RGS7: variants seen among roughly 807,000 people sequenced by gnomAD.
RGS7 encodes regulator of G-protein signaling 7.
A neutral mutation model predicts 81.1 loss-of-function variants in RGS7; 27 were observed. That is an observed-to-expected ratio of 0.33 (90% confidence interval 0.25 to 0.46). The LOEUF (loss-of-function observed/expected upper bound fraction) is 0.46, where lower values mean the gene tolerates loss of function less well. RGS7 is among the 20% of genes least tolerant of loss of function. RGS7 has a pLI of 1.00. For synonymous variants in RGS7, 208 were observed against 207.7 expected, an observed-to-expected ratio of 1.00 and a Z score of -0.01; for missense variants, 396 against 607.4, an observed-to-expected ratio of 0.65 and a Z score of 3.66.
chr1:241,202,883 G>C (rs2073627045), intron 2 of RGS7, among the ~76,000 whole-genome samples: 1 of 152,044 alleles, frequency 6.6e-6, no homozygotes, highest in Non-Finnish European at 1.5e-5. Context: ...CCTAACCTTG[G>C]GGGAGAGTAA....
intron 6 of RGS7, among the ~76,000 whole-genome samples, chr1:240,913,817 T>C (rs1486693253): frequency 6.6e-6 from 1 of 152,124 alleles, no homozygotes; most frequent in Non-Finnish European, 1.5e-5. Context: ...CAAACTGTTA[T>C]CTGTTAAATT....
chr1:241,115,342 T>C (rs920297180), intron 2 of RGS7, among the ~76,000 whole-genome samples: 56 of 152,306 alleles, frequency 3.7e-4, no homozygotes, highest in African/African-American at 1.3e-3. Flanking sequence ...TTATGCAAGT[T>C]CTAAAAGACC....
chr1:240,942,740 A>C (rs1409182629), intron 4 of RGS7, among the ~76,000 whole-genome samples: 1 of 152,234 alleles, frequency 6.6e-6, no homozygotes, highest in African/African-American at 2.4e-5. Flanking sequence ...CATAAAAAGA[A>C]GATATGTTAG....
intron 2 of RGS7, among the ~76,000 whole-genome samples, chr1:241,123,395 A>C (rs1251006154): frequency 6.6e-6 from 1 of 152,192 alleles, no homozygotes; most frequent in African/African-American, 2.4e-5. Flanking sequence ...TCTAATTATG[A>C]CCCACATCCT....
At chr1:240,922,188 T>C (rs1673670904) in intron 6 of RGS7, among the ~76,000 whole-genome samples, 2 of 152,056 alleles carry the variant, frequency 1.3e-5, no homozygotes, top group South Asian at 2.1e-4. Flanking sequence ...AAAATAAATA[T>C]AGACTCCAGA....
At chr1:241,281,892 T>C (rs116017629) in intron 2 of RGS7, among the ~76,000 whole-genome samples, 1,760 of 152,344 alleles carry the variant, frequency 0.012, 21 homozygotes, top group Non-Finnish European at 0.018. Context: ...GAACATGGCA[T>C]GTCTCTCCAT....
chr1:241,215,484 G>T (rs1393590300), intron 2 of RGS7, among the ~76,000 whole-genome samples: 1 of 152,158 alleles, frequency 6.6e-6, no homozygotes, highest in Non-Finnish European at 1.5e-5. Context: ...AGCAGGTCAG[G>T]AGTCAACCAA....
At chr1:241,132,751 T>TTG (rs1252083485) in intron 2 of RGS7, among the ~76,000 whole-genome samples, 1 of 151,692 alleles carries the variant, frequency 6.6e-6, no homozygotes, top group African/African-American at 2.4e-5. Flanking sequence ...ATTTGTTTGT[T>TTG]TGTTTGTTTG....
chr1:241,131,522 T>C (rs955630138), intron 2 of RGS7, among the ~76,000 whole-genome samples: 1 of 152,156 alleles, frequency 6.6e-6, no homozygotes, highest in African/African-American at 2.4e-5. Flanking sequence ...TGAGAACTAC[T>C]GTTTGTAGAA....
chr1:241,100,717 G>T (rs1268253913), intron 2 of RGS7, among the ~76,000 whole-genome samples: 1 of 152,182 alleles, frequency 6.6e-6, no homozygotes, highest in Non-Finnish European at 1.5e-5. Context: ...GCCTAGGGTG[G>T]GGTAAAGTAT....
chr1:240,792,377 A>C (rs1308164667), intron 18 of RGS7, among the ~76,000 whole-genome samples: 1 of 152,148 alleles, frequency 6.6e-6, no homozygotes, highest in African/African-American at 2.4e-5. Flanking sequence ...CTATCTCTAG[A>C]TTCTCCTAGC....
At chr1:241,354,933 T>G (rs748731554) in intron 2 of RGS7, among the ~76,000 whole-genome samples, 1 of 152,168 alleles carries the variant, frequency 6.6e-6, no homozygotes, top group African/African-American at 2.4e-5. Flanking sequence ...ATAACCAGAG[T>G]GAAGCTGCCT....
chr1:241,073,623 T>C (rs2500235), intron 3 of RGS7, among the ~76,000 whole-genome samples: 4,032 of 152,300 alleles, frequency 0.026, 179 homozygotes, highest in African/African-American at 0.092. Context: ...ATCGGGTGAA[T>C]CTGCAAAATT....
rs143056370 is a variant in RGS7 at position 240,919,954 on chromosome 1, T to C, written c.385+10763A>G. On this transcript the variant is annotated intron_variant, in intron 6 of 18. Transcript: ENST00000440928. ...GATTCTCAAAGACCAGGTGCCCACT[T>C]AACTGTGAAAAACATATTTGTTGGT... The C allele has an allele frequency of 6.1e-4, 808 of 1,333,026 alleles. 7 individuals carry two copies. In the African/African-American group the frequency reaches 0.011, roughly 17 times the overall value. 82.6% of individuals were successfully genotyped at this position (1,333,026 alleles called of 1,614,324 possible).
chr1:241,205,465 CTT>C (rs760185398), intron 2 of RGS7, among the ~76,000 whole-genome samples: 3 of 144,070 alleles, frequency 2.1e-5, no homozygotes, highest in Non-Finnish European at 1.5e-5. Flanking sequence ...GTAGGATATA[CTT>C]TTTTTTTTTT....
At position 240,815,338 on chromosome 1, in the gene RGS7, T is replaced by C. The variant is rs147280762; in HGVS notation, c.784-561A>G. On this transcript the variant is annotated intron_variant, in intron 11 of 18. Transcript: ENST00000440928. ...GCCTGGGTGACAGAACAAGATTCTG[T>C]CTCAAAAAAATAAAAAATAAAATTG... 4.6e-3 allele frequency among the ~76,000 whole-genome samples: 707 copies of C among 152,172 alleles called. 5 individuals carry two copies. The highest frequency in any genetic ancestry group is 0.016 in the African/African-American group (667 of 41,508).
intron 9 of RGS7, among the ~76,000 whole-genome samples, chr1:240,851,567 A>G (rs1660106085): frequency 6.6e-6 from 1 of 152,220 alleles, no homozygotes; most frequent in Non-Finnish European, 1.5e-5. Flanking sequence ...TAAGAAATGC[A>G]TTTGTAAGGC....
chr1:241,004,856 G>C (rs1364373664), intron 3 of RGS7, among the ~76,000 whole-genome samples: 1 of 152,180 alleles, frequency 6.6e-6, no homozygotes, highest in African/African-American at 2.4e-5. Context: ...GCTTTGAGGA[G>C]AAGGGGTTCT....
At chr1:240,909,910 T>C (rs548567240) in intron 6 of RGS7, among the ~76,000 whole-genome samples, 1 of 152,286 alleles carries the variant, frequency 6.6e-6, no homozygotes, top group African/African-American at 2.4e-5. Context: ...GGCCATTAAA[T>C]TAAACACCGA....
Sources: allele counts gnomAD v4.1 joint callset (sites outside exome capture counted in the v4.1 genomes callset), GRCh38; gene constraint gnomAD v4.1.1; transcripts MANE v1.5; gene names NCBI Gene and HGNC (gene_info 2026-07-23, HGNC 2026-07-21).